Variants in SGPP1 observed in about 807,000 individuals in gnomAD.
SGPP1 encodes the protein sphingosine-1-phosphate phosphatase 1, also known as hSPP1.
In SGPP1, 21 loss-of-function variants were observed where a neutral mutation model predicts 33.0. The ratio of observed to expected loss-of-function variants is 0.64; its 90% confidence interval spans 0.45 to 0.92. The LOEUF (loss-of-function observed/expected upper bound fraction) is 0.92. Among genes scored for constraint, SGPP1 ranks in the 40% least tolerant of loss-of-function variants. SGPP1 has a pLI of 0.00. For missense variants in SGPP1, 543 were observed against 589.4 expected (o/e 0.92, Z 0.81); for synonymous variants, 239 against 241.2 (o/e 0.99, Z 0.08).
chr14:63,721,902 A>G (rs1446122217), intron 1 of SGPP1, among the ~76,000 whole-genome samples: 1 of 152,204 alleles, frequency 6.6e-6, no homozygotes, highest in Non-Finnish European at 1.5e-5. Context: ...ACAAACACAA[A>G]TTATCTTCTC....
rs1348541617 is a variant in SGPP1, at chr14:63,684,591, A to G, written c.*1514T>C. On this transcript the variant is annotated 3_prime_UTR_variant, in exon 3 of 3. Coordinates refer to ENST00000247225, the MANE Select transcript of SGPP1 (RefSeq NM_030791.4). ...TATAAAAATATGAGCTCAAATAGTT[A>G]TGGTGCCCAAAATAGAAACATCTGA... The G allele has an allele frequency of 6.6e-6, 1 of 152,526 alleles. No individual in the cohort carries two copies. Among genetic ancestry groups the G allele is most frequent in the East Asian group, 1.9e-4 (1 of 5,202 alleles). 9.4% of individuals were successfully genotyped at this position (152,526 alleles called of 1,614,324 possible).
chr14:63,701,620 G>T (rs1885301222), intron 1 of SGPP1, among the ~76,000 whole-genome samples: 1 of 152,108 alleles, frequency 6.6e-6, no homozygotes, highest in Non-Finnish European at 1.5e-5. Flanking sequence ...AGCAGAGAGA[G>T]CAAGTAGAAG....
intron 1 of SGPP1, among the ~76,000 whole-genome samples, chr14:63,699,522 TA>T (rs1367851215): frequency 1.3e-5 from 2 of 152,110 alleles, no homozygotes; most frequent in East Asian, 3.9e-4. Context: ...GTAAGAAGAG[TA>T]GAAAATATTT....
At chr14:63,698,943 T>C (rs1056774622) in intron 1 of SGPP1, among the ~76,000 whole-genome samples, 4 of 152,162 alleles carry the variant, frequency 2.6e-5, no homozygotes, top group African/African-American at 2.4e-5. Context: ...ATCACTGGCA[T>C]GGTATAGGAG....
intron 1 of SGPP1, among the ~76,000 whole-genome samples, chr14:63,701,151 T>A (rs973135590): frequency 2.0e-5 from 3 of 152,038 alleles, no homozygotes; most frequent in African/African-American, 4.8e-5. Flanking sequence ...GCTGATTTTT[T>A]AAAAAATATT....
intron 2 of SGPP1, among the ~76,000 whole-genome samples, chr14:63,696,053 C>T (rs1161819120): frequency 6.6e-6 from 1 of 152,006 alleles, no homozygotes; most frequent in Non-Finnish European, 1.5e-5. Context: ...TTTGGGAGGC[C>T]GAGGTGGGTG....
Position 63,705,137 on chromosome 14 carries a change from C to CA in SGPP1, c.685-6480dup, listed in dbSNP as rs567624903. Reference sequence around the variant, plus strand: ...GCGAGACTCTGTCTTTAAAAAAAAACAAAAAAACAAAACAAAACACTCATG... The same window carrying CA: ...GCGAGACTCTGTCTTTAAAAAAAAACAAAAAAAACAAAACAAAACACTCATG... On this transcript the variant is annotated intron_variant, in intron 1 of 2. Transcript: ENST00000247225. Among the ~76,000 whole-genome samples, 36 of 148,024 alleles carry CA rather than the reference C, an allele frequency of 2.4e-4. No homozygotes were observed. The East Asian group carries it at 5.6e-3, about 23-fold the overall frequency.
chr14:63,707,993 A>G (rs367711882), intron 1 of SGPP1, among the ~76,000 whole-genome samples: 3 of 152,294 alleles, frequency 2.0e-5, no homozygotes, highest in Admixed American at 6.5e-5. Flanking sequence ...AACGCATTAC[A>G]ATGGCAAACT....
chr14:63,725,280 C>T (rs879701683), intron 1 of SGPP1, among the ~76,000 whole-genome samples: 1 of 152,028 alleles, frequency 6.6e-6, no homozygotes, highest in Non-Finnish European at 1.5e-5. Context: ...GAGGCTGAGG[C>T]AGAGAATTGC....
At chr14:63,716,490 T>C (rs779252690) in intron 1 of SGPP1, among the ~76,000 whole-genome samples, 1 of 151,526 alleles carries the variant, frequency 6.6e-6, no homozygotes, top group South Asian at 2.1e-4. Context: ...CAAGACTCAG[T>C]CTCAAAAAAA....
intron 2 of SGPP1, among the ~76,000 whole-genome samples, chr14:63,691,480 T>A (rs1885094247): frequency 6.6e-6 from 1 of 152,224 alleles, no homozygotes; most frequent in African/African-American, 2.4e-5. Context: ...ACCTCCTCCA[T>A]AAACTTTCTT....
intron 1 of SGPP1, among the ~76,000 whole-genome samples, chr14:63,698,953 G>C (rs147516102): frequency 6.6e-6 from 1 of 152,180 alleles, no homozygotes; most frequent in South Asian, 2.1e-4. Context: ...TGGTATAGGA[G>C]GAGGAGGACA....
intron 1 of SGPP1, among the ~76,000 whole-genome samples, chr14:63,723,718 C>CAA (rs56362339): frequency 0.02 from 2,612 of 131,698 alleles, 72 homozygotes; most frequent in African/African-American, 0.067. Flanking sequence ...GATTTCGTCT[C>CAA]AAAAAAAAAA....
intron 2 of SGPP1, among the ~76,000 whole-genome samples, chr14:63,687,057 ATT>A (rs1884995161): frequency 6.6e-6 from 1 of 152,148 alleles, no homozygotes; most frequent in Non-Finnish European, 1.5e-5. Context: ...ATCCTAGGTA[ATT>A]TTCTTTTCTC....
rs1200716937 is a variant in SGPP1 at position 63,685,270 on chromosome 14, G to A, written c.*835C>T. ...CTGACATACATTTTTTAAAATATTT[G>A]CTTGATTATATGTAACTTAAGATAA... On this transcript the variant is annotated 3_prime_UTR_variant, in exon 3 of 3. Coordinates refer to ENST00000247225, the MANE Select transcript of SGPP1 (RefSeq NM_030791.4). 1 of 152,260 alleles carries A rather than the reference G, an allele frequency of 6.6e-6. No individual in the cohort carries two copies. Among genetic ancestry groups the A allele is most frequent in the Admixed American group, 6.6e-5 (1 of 15,234 alleles). The allele number at this position is 152,260 out of a possible 1,614,324, so 9.4% of individuals were successfully genotyped here.
At chr14:63,688,867 GC>G (rs970108404) in intron 2 of SGPP1, among the ~76,000 whole-genome samples, 10 of 151,800 alleles carry the variant, frequency 6.6e-5, no homozygotes, top group Admixed American at 5.9e-4. Flanking sequence ...GACTACAGGC[GC>G]CCGCCACCAT....
rs1389441503 is a variant in SGPP1, at chr14:63,686,333, T to A, written c.1098A>T (p.Ile366=). ...ATACCATCCCTATGAGGATCCGCAA[T>A]ATGGCTTTTCCAAACAGAGTCACAG... ...PITVTLFGKA[I]LRILIGMVFV... is the part of the protein sequence containing the mutation. The change falls in exon 3 of 3, where the codon ATA becomes ATT. Residue 366 remains isoleucine, a synonymous_variant. Coordinates refer to ENST00000247225, the MANE Select transcript of SGPP1 (RefSeq NM_030791.4). 6.2e-7 allele frequency: 1 copy of A among 1,613,986 alleles called. No individual in the cohort carries two copies. Among genetic ancestry groups the A allele is most frequent in the Admixed American group, 1.7e-5 (1 of 60,018 alleles).
chr14:63,707,539 T>TC (rs938076086), intron 1 of SGPP1, among the ~76,000 whole-genome samples: 1 of 151,686 alleles, frequency 6.6e-6, no homozygotes, highest in African/African-American at 2.4e-5. Flanking sequence ...CTACTGATTT[T>TC]TTTTTTTTTT....
chr14:63,722,351 T>A (rs113611593), intron 1 of SGPP1, among the ~76,000 whole-genome samples: 5 of 143,930 alleles, frequency 3.5e-5, no homozygotes, highest in African/African-American at 1.3e-4. Flanking sequence ...GGTGAAACCC[T>A]GTCTCTATTG....
Sources: gnomAD v4.1 joint callset for allele counts (sites outside exome capture counted in the v4.1 genomes callset) on GRCh38, gnomAD v4.1.1 for gene constraint, MANE v1.5 for transcripts, NCBI Gene and HGNC (gene_info 2026-07-23, HGNC 2026-07-21) for gene names.